HHAT: variants seen among roughly 807,000 people sequenced by gnomAD.
HHAT encodes protein-cysteine N-palmitoyltransferase HHAT.
A neutral mutation model predicts 70.8 loss-of-function variants in HHAT; 47 were observed. That is an observed-to-expected ratio of 0.66 (90% CI 0.53 to 0.85). The LOEUF is 0.85. Ranked by LOEUF, HHAT falls within the 40% of genes least tolerant of loss-of-function variation. The probability of loss-of-function intolerance (pLI) is 0.00; values close to 1 mark genes in which losing one functional copy is unlikely to be tolerated. For synonymous variants in HHAT, 228 were observed against 247.6 expected (o/e 0.92, Z 0.74); for missense variants, 609 against 604.8 (o/e 1.01, Z -0.07).
chr1:210,452,578 A>G (rs987376041), intron 7 of HHAT, among the ~76,000 whole-genome samples: 2 of 152,216 alleles, frequency 1.3e-5, no homozygotes, highest in Admixed American at 6.5e-5. Context: ...AAAGATAAGA[A>G]CTGTTATATT....
At chr1:210,496,084 G>GTT (rs35707126) in intron 8 of HHAT, among the ~76,000 whole-genome samples, 17,248 of 136,804 alleles carry the variant, frequency 0.13, 1,326 homozygotes, top group South Asian at 0.24. Flanking sequence ...AAAGAGTAAA[G>GTT]TTTTTTTTTT....
chr1:210,412,562 A>G (rs2092594386), intron 6 of HHAT, among the ~76,000 whole-genome samples: 1 of 152,212 alleles, frequency 6.6e-6, no homozygotes, highest in Non-Finnish European at 1.5e-5. Context: ...AGAAGAAAGG[A>G]GTAAAAGCTC....
intron 8 of HHAT, among the ~76,000 whole-genome samples, chr1:210,475,307 C>T (rs751524672): frequency 6.6e-6 from 1 of 152,182 alleles, no homozygotes; most frequent in Non-Finnish European, 1.5e-5. Flanking sequence ...ACCTTTAATG[C>T]AGGAACTTCT....
chr1:210,509,611 T>C (rs2094920191), intron 8 of HHAT, among the ~76,000 whole-genome samples: 1 of 152,214 alleles, frequency 6.6e-6, no homozygotes, highest in African/African-American at 2.4e-5. Flanking sequence ...AATAATTGTA[T>C]GTGTGTAGAA....
At chr1:210,486,573 A>G (rs1043880659) in intron 8 of HHAT, among the ~76,000 whole-genome samples, 9 of 152,218 alleles carry the variant, frequency 5.9e-5, no homozygotes, top group African/African-American at 2.2e-4. Flanking sequence ...GAGTGGACAG[A>G]GTCCACACCC....
At chr1:210,602,113 G>T (rs894284697) in intron 10 of HHAT, among the ~76,000 whole-genome samples, 1 of 152,132 alleles carries the variant, frequency 6.6e-6, no homozygotes, top group Non-Finnish European at 1.5e-5. Context: ...ACCAAGAAGA[G>T]GGGAGATTTC....
chr1:210,328,850 C>T, upstream of HHAT: 1 of 432,644 alleles, frequency 2.3e-6, no homozygotes, highest in Non-Finnish European at 3.8e-6. Context: ...GGCCTGCTCG[C>T]CATCGCCCGG....
intron 8 of HHAT, among the ~76,000 whole-genome samples, chr1:210,492,399 C>T (rs1055444486): frequency 6.6e-6 from 1 of 152,180 alleles, no homozygotes; most frequent in Non-Finnish European, 1.5e-5. Flanking sequence ...TATATATCTC[C>T]TGCCTGTATA....
intron 3 of HHAT, among the ~76,000 whole-genome samples, chr1:210,376,669 G>A (rs897751119): frequency 3.3e-5 from 5 of 152,144 alleles, no homozygotes; most frequent in Non-Finnish European, 5.9e-5. Context: ...TGCCTGTGAC[G>A]GCTGGTGGGT....
intron 9 of HHAT, among the ~76,000 whole-genome samples, chr1:210,566,167 T>A (rs563604401): frequency 4.6e-5 from 7 of 152,294 alleles, no homozygotes; most frequent in African/African-American, 1.7e-4. Flanking sequence ...TGCCAAAAAA[T>A]TAGCAAACGA....
intron 2 of HHAT, among the ~76,000 whole-genome samples, chr1:210,351,774 T>C (rs2087045624): frequency 6.6e-6 from 1 of 152,186 alleles, no homozygotes; most frequent in Non-Finnish European, 1.5e-5. Context: ...TTACATTTCT[T>C]ACATTTATTA....
intron 9 of HHAT, among the ~76,000 whole-genome samples, chr1:210,528,103 G>A (rs1241716894): frequency 3.9e-5 from 6 of 152,192 alleles, no homozygotes; most frequent in African/African-American, 1.4e-4. Context: ...GGAGCAGAGA[G>A]GTGTTCATCA....
intron 3 of HHAT, chr1:210,374,232 G>T (rs181083993): frequency 1.3e-5 from 2 of 151,356 alleles, no homozygotes; most frequent in African/African-American, 4.9e-5. Flanking sequence ...TTAGTAAAAG[G>T]CGAAAGATTT....
rs532159812 is a variant in HHAT, at chr1:210,562,471, G to A, written c.1044-25427G>A. Among the ~76,000 whole-genome samples, 50 of 151,448 alleles carry A rather than the reference G, an allele frequency of 3.3e-4. No homozygotes were observed. In the Middle Eastern group the frequency reaches 0.01, roughly 31 times the overall value. ...CCATTCATGATTTGGAGAGAGGAGC[G>A]GGGCTCCTTGCTTGCTCTTTCCTTT... On this transcript the variant is annotated intron_variant, in intron 9 of 11. Transcript: ENST00000261458.
chr1:210,548,403 G>A (rs956931926), intron 9 of HHAT, among the ~76,000 whole-genome samples: 1 of 152,204 alleles, frequency 6.6e-6, no homozygotes, highest in Non-Finnish European at 1.5e-5. Context: ...AAAATAGTAG[G>A]TGTTTAATAA....
intron 10 of HHAT, among the ~76,000 whole-genome samples, chr1:210,610,663 C>A (rs1666394255): frequency 6.8e-6 from 1 of 147,506 alleles, no homozygotes; most frequent in Non-Finnish European, 1.5e-5. Flanking sequence ...ATATTTAAGT[C>A]TTTAATCCAT....
At chr1:210,553,760 C>G (rs1025057629) in intron 9 of HHAT, among the ~76,000 whole-genome samples, 1 of 152,148 alleles carries the variant, frequency 6.6e-6, no homozygotes, top group Non-Finnish European at 1.5e-5. Context: ...CTCAGAGCTG[C>G]TCAGACCACC....
At chr1:210,339,871 A>T (rs1225196818) in intron 1 of HHAT, among the ~76,000 whole-genome samples, 1 of 152,182 alleles carries the variant, frequency 6.6e-6, no homozygotes, top group Non-Finnish European at 1.5e-5. Context: ...GTTGGTGCGG[A>T]TGTGGAAGTA....
At chr1:210,466,930 A>C (rs964226712) in intron 8 of HHAT, among the ~76,000 whole-genome samples, 5 of 152,158 alleles carry the variant, frequency 3.3e-5, no homozygotes, top group African/African-American at 1.2e-4. Context: ...ATTTAAGACA[A>C]ATGTGGACAA....
Sources: gnomAD v4.1 joint callset for allele counts (sites outside exome capture counted in the v4.1 genomes callset) on GRCh38, gnomAD v4.1.1 for gene constraint, MANE v1.5 for transcripts, NCBI Gene and HGNC (gene_info 2026-07-23, HGNC 2026-07-21) for gene names.